Variants in CALHM4 observed in about 807,000 individuals in gnomAD.
CALHM4 encodes the protein calcium homeostasis modulator family member 4, also known as calcium homeostasis modulator protein 4.
A neutral mutation model predicts 13.3 loss-of-function variants in CALHM4; 16 were observed. The ratio of observed to expected loss-of-function variants is 1.20; its 90% CI spans 0.81 to 1.82. The LOEUF is 1.82. Among genes scored for constraint, CALHM4 ranks in the 40% most tolerant of loss-of-function variants. The pLI is 0.00. For missense variants in CALHM4, 344 were observed against 374.9 expected (o/e 0.92, Z 0.68); for synonymous variants, 127 against 137.1 (o/e 0.93, Z 0.52).
chr6:116,551,110 TA>T (rs1774060052), upstream of CALHM4, among the ~76,000 whole-genome samples: 1 of 152,230 alleles, frequency 6.6e-6, no homozygotes, highest in Non-Finnish European at 1.5e-5. Context: ...ATAAAGGCTC[TA>T]GTTAGGCTTT....
chr6:116,554,123 G>A lies in CALHM4; in HGVS notation c.330G>A (p.Arg110=). The A allele has an allele frequency of 6.4e-7, 1 of 1,550,560 alleles. No individual in the cohort carries two copies. Among genetic ancestry groups the A allele is most frequent in the South Asian group, 1.2e-5 (1 of 84,056 alleles). The part of the protein sequence containing the change: ...ACLRFFSITG[R]AVIAPLTWLA... ...TTAGGTTCTTCAGCATCACTGGGAGGGCAGTTATTGCTCCTTTAACTTGGC... is the reference window on the plus strand; with the variant it reads ...TTAGGTTCTTCAGCATCACTGGGAGAGCAGTTATTGCTCCTTTAACTTGGC... Residue 110 remains arginine (R), a synonymous_variant, in exon 1 of 2, where the codon AGG becomes AGA. Transcript: ENST00000368596.
rs191991743 is a variant in CALHM4 at position 116,555,594 on chromosome 6, T to C, written c.558+1243T>C. On this transcript the variant is annotated intron_variant, in intron 1 of 1. Transcript: ENST00000368596. ...TTGAGAGACTGATATTACTACCCCA[T>C]TTTACAGATAAGTAAATCAAAGCTC... is the stretch of plus-strand genomic sequence containing the variant. Among the ~76,000 whole-genome samples the C allele has an allele frequency of 3.3e-4, 50 of 152,336 alleles. 2 individuals are homozygous for C. The Middle Eastern group carries it at 0.054, about 166-fold the overall frequency.
At chr6:116,545,300 T>G (rs921955009) in intron 2 of CALHM4, among the ~76,000 whole-genome samples, 2 of 152,104 alleles carry the variant, frequency 1.3e-5, no homozygotes, top group African/African-American at 4.8e-5. Context: ...TTATTCTTTA[T>G]GTAGGAGATA....
At chr6:116,543,290 G>A in intron 1 of CALHM4, 1 of 1,534,380 alleles carries the variant, frequency 6.5e-7, no homozygotes. Flanking sequence ...AAGAATGAAG[G>A]ACTTCCACTT....
At chr6:116,542,918 T>C (rs1394301636) in intron 1 of CALHM4, among the ~76,000 whole-genome samples, 2 of 152,120 alleles carry the variant, frequency 1.3e-5, no homozygotes, top group African/African-American at 2.4e-5. Context: ...TGTGTAAGCA[T>C]ATATTTATAT....
chr6:116,540,308 C>CA, intron 1 of CALHM4: 1 of 1,505,732 alleles, frequency 6.6e-7, no homozygotes, highest in South Asian at 1.2e-5. Flanking sequence ...CCACCATACT[C>CA]AAAAAGAATC....
At chr6:116,551,247 G>A (rs557627292), upstream of CALHM4, among the ~76,000 whole-genome samples, 10 of 152,178 alleles carry the variant, frequency 6.6e-5, no homozygotes, top group East Asian at 1.9e-4. Context: ...TTAAAATTCC[G>A]TGGCACAAGT....
At chr6:116,541,821 T>C (rs1288766388) in intron 1 of CALHM4, among the ~76,000 whole-genome samples, 1 of 152,180 alleles carries the variant, frequency 6.6e-6, no homozygotes, top group Non-Finnish European at 1.5e-5. Flanking sequence ...CTGTGCTATA[T>C]CTACACATAT....
upstream of CALHM4, among the ~76,000 whole-genome samples, chr6:116,552,005 T>C (rs1029666790): frequency 6.6e-6 from 1 of 152,236 alleles, no homozygotes; most frequent in African/African-American, 2.4e-5. Flanking sequence ...TTTAAAAGAT[T>C]ATACTTGTGC....
rs991857337 is a variant in CALHM4 at position 116,560,083 on chromosome 6, T to C, written c.*1872T>C. ...AACTAGGGTTCTAGTTCCACACTGA[T>C]ACAAATGAACTGTGTAAATATGGAA... On this transcript the variant is annotated 3_prime_UTR_variant, in exon 2 of 2. Transcript: ENST00000368596. Among the ~76,000 whole-genome samples, 7 of 152,222 alleles carry C rather than the reference T, an allele frequency of 4.6e-5. No individual in the cohort carries two copies. Among genetic ancestry groups the C allele is most frequent in the African/African-American group, 1.7e-4 (7 of 41,462 alleles).
chr6:116,542,056 CT>C (rs1257526088), intron 1 of CALHM4, among the ~76,000 whole-genome samples: 1 of 152,080 alleles, frequency 6.6e-6, no homozygotes, highest in Non-Finnish European at 1.5e-5. Flanking sequence ...AATAAGTGAG[CT>C]TTTTTATTAT....
intron 1 of CALHM4, among the ~76,000 whole-genome samples, chr6:116,530,941 ATATG>A (rs1418205962): frequency 7.6e-6 from 1 of 132,210 alleles, no homozygotes; most frequent in African/African-American, 2.8e-5. Flanking sequence ...ATATATATAT[ATATG>A]TTACTAATTT....
chr6:116,531,762 G>A (rs577295450), intron 1 of CALHM4, among the ~76,000 whole-genome samples: 9 of 151,766 alleles, frequency 5.9e-5, no homozygotes, highest in Non-Finnish European at 1.3e-4. Flanking sequence ...AATCACAGTT[G>A]ACCTCAGAGT....
intron 1 of CALHM4, among the ~76,000 whole-genome samples, chr6:116,555,162 T>C (rs1774255817): frequency 6.6e-6 from 1 of 152,216 alleles, no homozygotes; most frequent in South Asian, 2.1e-4. Context: ...GAAAAGCTAC[T>C]ATCAAGACAC....
At chr6:116,550,015 T>TAC (rs1562361120), upstream of CALHM4, among the ~76,000 whole-genome samples, 4 of 70,656 alleles carry the variant, frequency 5.7e-5, no homozygotes, top group East Asian at 2.0e-3. Context: ...TATATATATA[T>TAC]ATATATATAT....
chr6:116,537,661 T>G (rs1008886867), intron 1 of CALHM4, among the ~76,000 whole-genome samples: 2 of 152,194 alleles, frequency 1.3e-5, no homozygotes, highest in African/African-American at 4.8e-5. Flanking sequence ...TAGTTCCTCA[T>G]GGAAGGGACT....
chr6:116,553,727 G>A, upstream of CALHM4: 1 of 1,383,924 alleles, frequency 7.2e-7, no homozygotes. Flanking sequence ...CCCATAAAAT[G>A]GTTATAGCTG....
intron 1 of CALHM4, among the ~76,000 whole-genome samples, chr6:116,531,680 T>C (rs977384405): frequency 2.0e-5 from 3 of 152,276 alleles, no homozygotes; most frequent in South Asian, 2.1e-4. Context: ...AGGATAATTT[T>C]CAAGCATTTT....
At chr6:116,549,268 A>G (rs1375560560), upstream of CALHM4, among the ~76,000 whole-genome samples, 1 of 152,240 alleles carries the variant, frequency 6.6e-6, no homozygotes, top group Non-Finnish European at 1.5e-5. Context: ...CCTGGGTGAC[A>G]GAGTGAGACT....
Sources: gnomAD v4.1 joint callset for allele counts (sites outside exome capture counted in the v4.1 genomes callset) on GRCh38, gnomAD v4.1.1 for gene constraint, MANE v1.5 for transcripts, NCBI Gene and HGNC (gene_info 2026-07-23, HGNC 2026-07-21) for gene names.